SYK: variants seen among roughly 807,000 people sequenced by gnomAD.
SYK encodes the protein tyrosine-protein kinase SYK.
A neutral mutation model predicts 77.8 loss-of-function variants in SYK; 16 were observed. That is an observed-to-expected ratio of 0.21 (90% confidence interval 0.14 to 0.31). SYK has a LOEUF of 0.31. Ranked by LOEUF, SYK falls within the 10% of genes least tolerant of loss-of-function variation. The pLI is 1.00. For synonymous variants in SYK, 312 were observed against 308.7 expected (o/e 1.01, Z -0.11); for missense variants, 529 against 814.4 (o/e 0.65, Z 4.26).
At chr9:90,811,249 C>T (rs1254015871) in intron 1 of SYK, among the ~76,000 whole-genome samples, 1 of 152,034 alleles carries the variant, frequency 6.6e-6, no homozygotes, top group East Asian at 1.9e-4. Flanking sequence ...AATTTCAATA[C>T]TTGTGGTAAA....
chr9:90,891,257 TGCCTCA>T (rs1828781281), intron 13 of SYK, among the ~76,000 whole-genome samples: 1 of 149,674 alleles, frequency 6.7e-6, no homozygotes, highest in Admixed American at 6.7e-5. Flanking sequence ...ACCATACTCC[TGCCTCA>T]GCCTCCCGAG....
At chr9:90,884,151 G>GTA (rs1320683584) in intron 11 of SYK, among the ~76,000 whole-genome samples, 1 of 94,564 alleles carries the variant, frequency 1.1e-5, no homozygotes, top group Non-Finnish European at 2.2e-5. Context: ...ATATGTGTGT[G>GTA]TGTATATATA....
chr9:90,894,296 C>G (rs962284675), intron 13 of SYK, among the ~76,000 whole-genome samples: 4 of 152,294 alleles, frequency 2.6e-5, no homozygotes, highest in Admixed American at 1.3e-4. Context: ...TATCCCCTCT[C>G]GGAACACACT....
chr9:90,866,937 T>C (rs1827521074), intron 6 of SYK, among the ~76,000 whole-genome samples, 194 bp from the exon 7 acceptor site: 1 of 152,212 alleles, frequency 6.6e-6, no homozygotes, highest in African/African-American at 2.4e-5. Context: ...TTCTAGATCC[T>C]TCTTCCCAAG....
At chr9:90,812,741 A>ATGTGTGTGTGTGTGTGTG (rs759021735) in intron 1 of SYK, among the ~76,000 whole-genome samples, 5 of 109,894 alleles carry the variant, frequency 4.5e-5, no homozygotes, top group East Asian at 3.5e-4. Context: ...CCCATTTGAT[A>ATGTGTGTGTGTGTGTGTG]TGTGTGTGTG....
At chr9:90,844,958 C>T (rs1260348759) in intron 2 of SYK, among the ~76,000 whole-genome samples, 1 of 151,976 alleles carries the variant, frequency 6.6e-6, no homozygotes, top group Non-Finnish European at 1.5e-5. Context: ...TTTTTTGAGA[C>T]AGAGTCTTGC....
chr9:90,866,227 C>A (rs915051028), intron 6 of SYK, among the ~76,000 whole-genome samples: 1 of 152,194 alleles, frequency 6.6e-6, no homozygotes, highest in African/African-American at 2.4e-5. Flanking sequence ...CCTTTAATGC[C>A]ATCTGTGAAG....
At chr9:90,813,580 C>T (rs1015707769) in intron 1 of SYK, among the ~76,000 whole-genome samples, 11 of 152,182 alleles carry the variant, frequency 7.2e-5, no homozygotes, top group African/African-American at 2.7e-4. Context: ...GTTAAAAATA[C>T]CTAACCCTTG....
intron 12 of SYK, 65 bp from the exon 13 acceptor site, chr9:90,888,450 G>C: frequency 1.6e-6 from 2 of 1,215,026 alleles, no homozygotes; most frequent in Non-Finnish European, 2.3e-6. Context: ...TGGAGTGGCT[G>C]TTTTGTTTTG....
chr9:90,806,515 A>G (rs1269261815), intron 1 of SYK, among the ~76,000 whole-genome samples: 3 of 152,096 alleles, frequency 2.0e-5, no homozygotes, highest in Non-Finnish European at 4.4e-5. Flanking sequence ...GATTATAGGC[A>G]TGATCCACTG....
intron 13 of SYK, among the ~76,000 whole-genome samples, chr9:90,891,900 A>G (rs1363549572): frequency 6.6e-6 from 1 of 152,082 alleles, no homozygotes; most frequent in African/African-American, 2.4e-5. Flanking sequence ...AGGGAATTCA[A>G]AGGGACTTCC....
intron 3 of SYK, among the ~76,000 whole-genome samples, chr9:90,854,025 G>T (rs1239919797): frequency 6.6e-6 from 1 of 152,110 alleles, no homozygotes; most frequent in Non-Finnish European, 1.5e-5. Flanking sequence ...GTGTGCAGGA[G>T]CCCGGGCATC....
Position 90,895,558 on chromosome 9 carries a change from G to A in SYK, c.1866G>A (p.Val622=). The A allele has an allele frequency of 6.2e-7, 1 of 1,614,132 alleles. No individual in the cohort carries two copies. The highest frequency in any genetic ancestry group is 8.5e-7 in the Non-Finnish European group (1 of 1,180,016). The change falls in exon 14 of 14, where the codon GTG becomes GTA. Residue 622 remains valine (V), a synonymous_variant. Transcript: ENST00000375754. The surrounding 1 kb of genome is among the most constrained non-coding windows in gnomAD (Gnocchi z 4.4). ...AAAACAGGCCCGGATTCGCAGCAGT[G>A]GAACTGCGGCTGCGCAATTACTACT... ...DVENRPGFAA[V]ELRLRNYYYD...
At chr9:90,852,381 T>C (rs941730892) in intron 3 of SYK, among the ~76,000 whole-genome samples, 2 of 152,228 alleles carry the variant, frequency 1.3e-5, no homozygotes, top group African/African-American at 4.8e-5. Flanking sequence ...ATGTGGTTTA[T>C]TGCCATTGTG....
intron 3 of SYK, among the ~76,000 whole-genome samples, chr9:90,858,537 C>T (rs531035926): frequency 3.3e-5 from 5 of 152,368 alleles, no homozygotes; most frequent in East Asian, 1.9e-4. Context: ...CCTGTGTGCA[C>T]GCCCTCTCTG....
At chr9:90,841,578 G>A (rs1198024233) in intron 1 of SYK, among the ~76,000 whole-genome samples, 5 of 151,024 alleles carry the variant, frequency 3.3e-5, no homozygotes, top group African/African-American at 1.2e-4. Flanking sequence ...GATGTGTGTA[G>A]TGTGCATGTA....
chr9:90,834,894 G>T (rs1426928778), intron 1 of SYK, among the ~76,000 whole-genome samples: 2 of 152,222 alleles, frequency 1.3e-5, no homozygotes, highest in African/African-American at 4.8e-5. Context: ...GGGCACATCA[G>T]ATTTGTGTCC....
At chr9:90,815,774 G>A (rs908545856) in intron 1 of SYK, among the ~76,000 whole-genome samples, 13 of 152,214 alleles carry the variant, frequency 8.5e-5, no homozygotes, top group East Asian at 1.9e-4. Context: ...GAATGTGCTC[G>A]GCTCTGTGCT....
At chr9:90,875,680 C>G (rs1351237640) in intron 9 of SYK, among the ~76,000 whole-genome samples, 3 of 152,054 alleles carry the variant, frequency 2.0e-5, no homozygotes. Context: ...TATTTATTGG[C>G]TTTATCCTAT....
Sources: gnomAD v4.1 joint callset for allele counts (sites outside exome capture counted in the v4.1 genomes callset) on GRCh38, gnomAD v4.1.1 for gene constraint, Gnocchi (gnomAD v3.1) non-coding constraint, MANE v1.5 for transcripts, NCBI Gene and HGNC (gene_info 2026-07-23, HGNC 2026-07-21) for gene names.